The following THUMPD1 variants were observed in gnomAD, a reference collection of about 807,000 sequenced individuals.
The protein encoded by THUMPD1 is THUMP domain 1 NAT10 acetyltransferase adaptor, also known as THUMP domain-containing protein 1.
In THUMPD1, 31 loss-of-function variants were observed where a neutral mutation model predicts 31.6. The ratio of observed to expected loss-of-function variants is 0.98; its 90% CI spans 0.74 to 1.32. The LOEUF (loss-of-function observed/expected upper bound fraction) is 1.32. THUMPD1 is among the 40% of genes most tolerant of loss of function. The probability of loss-of-function intolerance (pLI) is 0.00; values close to 1 mark genes in which losing one functional copy is unlikely to be tolerated. For synonymous variants in THUMPD1, 166 were observed against 158.2 expected (o/e 1.05, Z -0.37); for missense variants, 446 against 427.8 (o/e 1.04, Z -0.38).
Position 20,735,202 on chromosome 16 carries a change from G to A in THUMPD1, c.*1678C>T, listed in dbSNP as rs1357653461. The A allele has an allele frequency of 6.6e-6, 1 of 152,160 alleles. No individual in the cohort carries two copies. The highest frequency in any genetic ancestry group is 2.4e-5 in the African/African-American group (1 of 41,436). The allele number at this position is 152,160 out of a possible 1,614,324, so 9.4% of individuals were successfully genotyped here. A position where few individuals can be genotyped will look rare whatever the true frequency, so the allele number is the denominator to read the frequency against. ...TCTGCAAAATAGGCTACTTTCTGTAGTCATTTTTCATTTCCAAAGCACTCA... is the reference window on the plus strand; with the variant it reads ...TCTGCAAAATAGGCTACTTTCTGTAATCATTTTTCATTTCCAAAGCACTCA... On this transcript the variant is annotated 3_prime_UTR_variant, in exon 4 of 4. Coordinates refer to ENST00000396083, the MANE Select transcript of THUMPD1 (RefSeq NM_017736.5).
Position 20,736,959 on chromosome 16 carries a change from AC to A in THUMPD1, c.982del (p.Val328Ter). 1 of 1,613,944 alleles carries A rather than the reference AC, an allele frequency of 6.2e-7. No individual in the cohort carries two copies. The highest frequency in any genetic ancestry group is 1.1e-5 in the South Asian group (1 of 91,058). On this transcript the variant is annotated frameshift_variant, in exon 4 of 4. Coordinates refer to ENST00000396083, the MANE Select transcript of THUMPD1 (RefSeq NM_017736.5). LOFTEE classifies it high-confidence loss of function. Reference sequence around the variant, plus strand: ...TTCAGGTTTGGCTCCTCCCTCATTTACCACCTGTGGATTAGACGTTGGTTTT... The same window carrying A: ...TTCAGGTTTGGCTCCTCCCTCATTTACACCTGTGGATTAGACGTTGGTTTT... ...QTKPTSNPQV[V>X]NEGGAKPELA...
intron 1 of THUMPD1, among the ~76,000 whole-genome samples, chr16:20,740,856 GA>G (rs2079912123): frequency 6.6e-6 from 1 of 152,206 alleles, no homozygotes. Context: ...TATTATTTCA[GA>G]AATATTATTG....
intron 1 of THUMPD1, 28 bp downstream of exon 1, chr16:20,741,481 G>GGGGGGGGGCCCCC: frequency 7.6e-7 from 1 of 1,308,412 alleles, no homozygotes; most frequent in Non-Finnish European, 9.9e-7. Flanking sequence ...CTGGCAGCCG[G>GGGGGGGGGCCCCC]CCCGCCCGCC....
rs1285065624 is a variant in THUMPD1, at chr16:20,735,667, T to G, written c.*1213A>C. ...ATTGGCCTTTGTTCTGGCAGGCTCC[T>G]AGCAATAGAAAAAGTTTTCTTTGAA... On this transcript the variant is annotated 3_prime_UTR_variant, in exon 4 of 4. Coordinates refer to ENST00000396083, the MANE Select transcript of THUMPD1 (RefSeq NM_017736.5). 1 of 152,174 alleles carries G rather than the reference T, an allele frequency of 6.6e-6. No individual in the cohort carries two copies. The highest frequency in any genetic ancestry group is 1.5e-5 in the Non-Finnish European group (1 of 68,022). 9.4% of individuals were successfully genotyped at this position (152,174 alleles called of 1,614,324 possible).
At chr16:20,738,786 A>G in intron 2 of THUMPD1, 111 bp downstream of exon 2, 1 of 1,265,808 alleles carries the variant, frequency 7.9e-7, no homozygotes, top group South Asian at 1.4e-5. Flanking sequence ...AGCTGCCATC[A>G]AATGATTAAC....
intron 2 of THUMPD1, 66 bp downstream of exon 2, chr16:20,738,831 A>T: frequency 6.4e-7 from 1 of 1,561,738 alleles, no homozygotes; most frequent in Non-Finnish European, 8.7e-7. Context: ...TGTAAGCAGT[A>T]TTCCCTGAGA....
rs2079923526 is a variant in THUMPD1, at chr16:20,741,526, TGTC to T, written c.211_213del (p.Asp71del). ...ACCGGTACCTTTTCTGGCCCATACA[TGTC>T]GTCGCCGTATTCGTTGAGGAGGCTG... On this transcript the variant is annotated inframe_deletion, in exon 1 of 4. Transcript: ENST00000396083. The T allele has an allele frequency of 5.2e-6, 6 of 1,145,076 alleles. No homozygotes were observed. Among genetic ancestry groups the T allele is most frequent in the East Asian group, 6.1e-5 (1 of 16,276 alleles). The allele number at this position is 1,145,076 out of a possible 1,614,324, so 70.9% of individuals were successfully genotyped here.
Position 20,735,459 on chromosome 16 carries a change from G to C in THUMPD1, c.*1421C>G, listed in dbSNP as rs1412563480. On this transcript the variant is annotated 3_prime_UTR_variant, in exon 4 of 4. Transcript: ENST00000396083. ...TTGTAACATTATTCAGAACTTCACT[G>C]TATCTTCAAGTTTTTGATATCAGCA... is the stretch of plus-strand genomic sequence containing the variant. 2 of 150,058 alleles carry C rather than the reference G, an allele frequency of 1.3e-5. No individual in the cohort carries two copies. Among genetic ancestry groups the C allele is most frequent in the African/African-American group, 2.5e-5 (1 of 40,718 alleles). 9.3% of individuals were successfully genotyped at this position (150,058 alleles called of 1,614,324 possible).
rs2079866028 is a variant in THUMPD1 at position 20,736,028 on chromosome 16, C to T, written c.*852G>A. 1 of 152,086 alleles carries T rather than the reference C, an allele frequency of 6.6e-6. No homozygotes were observed. Among genetic ancestry groups the T allele is most frequent in the South Asian group, 2.1e-4 (1 of 4,814 alleles). 9.4% of individuals were successfully genotyped at this position (152,086 alleles called of 1,614,324 possible). ...AAAAGCCTTACTGTTTTTGATAGTCCAAAAGCCATTTGAAAATAATGAATA... is the reference window on the plus strand; with the variant it reads ...AAAAGCCTTACTGTTTTTGATAGTCTAAAAGCCATTTGAAAATAATGAATA... On this transcript the variant is annotated 3_prime_UTR_variant, in exon 4 of 4. Transcript: ENST00000396083.
At chr16:20,741,233 A>C (rs2152422567) in intron 1 of THUMPD1, among the ~76,000 whole-genome samples, 1 of 152,346 alleles carries the variant, frequency 6.6e-6, no homozygotes, top group East Asian at 1.9e-4. Context: ...CAACAGAGCG[A>C]GACCCTGTCT....
intron 2 of THUMPD1, 53 bp from the exon 3 acceptor site, chr16:20,738,009 G>A (rs889565816): frequency 2.9e-5 from 44 of 1,513,532 alleles, no homozygotes; most frequent in Admixed American, 4.3e-5. Flanking sequence ...CTTAAAGATC[G>A]AACTCTAAAA....
chr16:20,741,482 C>CGCCG, intron 1 of THUMPD1, 27 bp downstream of exon 1: 1 of 160,352 alleles, frequency 6.2e-6, no homozygotes, highest in Non-Finnish European at 1.3e-5. Flanking sequence ...TGGCAGCCGG[C>CGCCG]CCGCCCGCCC....
At position 20,741,578 on chromosome 16, in the gene THUMPD1, C is replaced by A. The variant is rs2152423253; in HGVS notation, c.162G>T (p.Glu54Asp). ...QGILITCNMN[E>D]RKCVEEAYSL... ...TGTAGGCCTCCTCCACGCACTTGCG[C>A]TCGTTCATATTGCAGGTGATGAGGA... Residue 54 changes from glutamate (E) to aspartate (D), a missense_variant, in exon 1 of 4, where the codon GAG becomes GAT. Physicochemically the swap from Glu to Asp is conservative, Grantham distance 45. Transcript: ENST00000396083. 1 of 1,579,318 alleles carries A rather than the reference C, an allele frequency of 6.3e-7. No homozygotes were observed.
At chr16:20,739,583 G>A (rs1328338597) in intron 1 of THUMPD1, among the ~76,000 whole-genome samples, 3 of 152,242 alleles carry the variant, frequency 2.0e-5, no homozygotes, top group East Asian at 3.9e-4. Context: ...CACTCTGGGA[G>A]GCAGAGGCAA....
intron 1 of THUMPD1, 99 bp from the exon 2 acceptor site, chr16:20,739,170 G>A (rs1413736500): frequency 2.3e-5 from 27 of 1,169,656 alleles, no homozygotes; most frequent in Non-Finnish European, 3.0e-5. Context: ...AGGTGGCTCA[G>A]TATTGATTTT....
At chr16:20,741,481 G>GGGGGGGGGGGGGGCCCCCC in intron 1 of THUMPD1, 28 bp downstream of exon 1, 2 of 1,308,408 alleles carry the variant, frequency 1.5e-6, no homozygotes, top group Non-Finnish European at 2.0e-6. Flanking sequence ...CTGGCAGCCG[G>GGGGGGGGGGGGGGCCCCCC]CCCGCCCGCC....
intron 2 of THUMPD1, chr16:20,738,316 A>G (rs1340417337): frequency 4.8e-6 from 2 of 413,780 alleles, no homozygotes; most frequent in South Asian, 1.8e-5. Context: ...TTTACAAAAA[A>G]AAAAAAAAAA....
chr16:20,740,339 G>A (rs929368893), intron 1 of THUMPD1, among the ~76,000 whole-genome samples: 1 of 152,208 alleles, frequency 6.6e-6, no homozygotes, highest in Non-Finnish European at 1.5e-5. Flanking sequence ...AAGTTGCAGT[G>A]AGCAAGAGCA....
Position 20,736,804 on chromosome 16 carries a change from A to T in THUMPD1, c.*76T>A. The T allele has an allele frequency of 6.8e-7, 1 of 1,467,790 alleles. No homozygotes were observed. The highest frequency in any genetic ancestry group is 9.3e-7 in the Non-Finnish European group (1 of 1,080,462). The allele number at this position is 1,467,790 out of a possible 1,614,324, so 90.9% of individuals were successfully genotyped here. Reference sequence around the variant, plus strand: ...CACAAATAAAAAACTGTTTTTAGTCACAATTTAAGGTGGAGCCCCAGCAAC... The same window carrying T: ...CACAAATAAAAAACTGTTTTTAGTCTCAATTTAAGGTGGAGCCCCAGCAAC... On this transcript the variant is annotated 3_prime_UTR_variant, in exon 4 of 4. Transcript: ENST00000396083.
Sources: allele counts gnomAD v4.1 joint callset (sites outside exome capture counted in the v4.1 genomes callset), GRCh38; gene constraint gnomAD v4.1.1; transcripts MANE v1.5; gene names NCBI Gene and HGNC (gene_info 2026-07-23, HGNC 2026-07-21).